Variants in PPIP5K2 observed in about 807,000 individuals in gnomAD.
The protein encoded by PPIP5K2 is inositol hexakisphosphate and diphosphoinositol-pentakisphosphate kinase 2.
In PPIP5K2, 105 loss-of-function variants were observed where a neutral mutation model predicts 154.6. The ratio of observed to expected loss-of-function variants is 0.68; its 90% CI spans 0.58 to 0.80. PPIP5K2 has a LOEUF of 0.80. PPIP5K2 is among the 30% of genes least tolerant of loss of function. The pLI, the probability that PPIP5K2 is intolerant of heterozygous loss-of-function variation, is 0.00. For missense variants in PPIP5K2, 992 were observed against 1,504.6 expected (o/e 0.66, Z 5.64); for synonymous variants, 480 against 490.3 (o/e 0.98, Z 0.28).
At chr5:103,152,591 T>C (rs1050821633) in intron 9 of PPIP5K2, 57 bp from the exon 10 acceptor site, 20 of 1,019,778 alleles carry the variant, frequency 2.0e-5, no homozygotes, top group African/African-American at 3.2e-5. Context: ...CCTCATTAAG[T>C]ACCCAGTTTT....
rs1183699477 is a variant in PPIP5K2 at position 103,133,554 on chromosome 5, T to A, written c.216T>A (p.Tyr72Ter). Residue 72 changes from tyrosine to a stop codon, truncating the protein, a stop_gained, in exon 3 of 31, where the codon TAT becomes TAA. Transcript: ENST00000358359. LOFTEE classifies it high-confidence loss of function. ...EILERISLFK[Y>*]ITVVVFEEEV... ...TTGAACGGATCTCCTTATTTAAATA[T>A]ATCACAGTAGTAGTATTTGAAGAGG... The A allele has an allele frequency of 6.2e-7, 1 of 1,612,792 alleles. No individual in the cohort carries two copies. Among genetic ancestry groups the A allele is most frequent in the Non-Finnish European group, 8.5e-7 (1 of 1,179,522 alleles).
At chr5:103,185,402 G>A (rs911150574) in intron 26 of PPIP5K2, among the ~76,000 whole-genome samples, 1 of 152,068 alleles carries the variant, frequency 6.6e-6, no homozygotes, top group Non-Finnish European at 1.5e-5. Flanking sequence ...AACAGATCTC[G>A]TTGTAAGTTT....
intron 18 of PPIP5K2, 21 bp downstream of exon 18, chr5:103,167,341 G>A (rs782410778): frequency 2.0e-5 from 30 of 1,509,294 alleles, no homozygotes; most frequent in South Asian, 1.7e-4. Flanking sequence ...TTTTCTTAGA[G>A]CATAGAACAA....
Position 103,195,011 on chromosome 5 carries a change from C to G in PPIP5K2, c.3605C>G (p.Ala1202Gly). 1 of 1,613,630 alleles carries G rather than the reference C, an allele frequency of 6.2e-7. No individual in the cohort carries two copies. The highest frequency in any genetic ancestry group is 1.7e-5 in the Admixed American group (1 of 59,992). ...TPPATLKSTK[A>G]SSKPATSGPS... The stretch of plus-strand genomic sequence containing the variant: ...CCAGCTACCTTAAAGAGCACTAAAG[C>G]AAGCAGCAAACCAGGTAAGGGGTGT... Residue 1202 changes from alanine (A) to glycine (G), a missense_variant, in exon 30 of 31, where the codon GCA (alanine) becomes GGA (glycine). Physicochemically the swap from Ala to Gly is moderately conservative, Grantham distance 60. This residue lies in a region of PPIP5K2 where 131 missense variants were observed against 117.8 expected (regional missense o/e 1.11). Transcript: ENST00000358359.
In PPIP5K2 at chr5:103,211,808, A is replaced by C. The variant is rs1307831424; in HGVS notation, c.*10174A>C. ...CTTTCTAATGAGGAACCAAGTGCTC[A>C]AAAGCAGTCATAAAGTTCATGGCAA... On this transcript the variant is annotated 3_prime_UTR_variant, in exon 31 of 31. Coordinates refer to ENST00000358359, the MANE Select transcript of PPIP5K2 (RefSeq NM_001276277.3). 6.6e-6 allele frequency: 1 copy of C among 152,170 alleles called. No homozygotes were observed. The highest frequency in any genetic ancestry group is 1.9e-4 in the East Asian group (1 of 5,206). The allele number at this position is 152,170 out of a possible 1,614,324, so 9.4% of individuals were successfully genotyped here.
At chr5:103,186,690 T>C (rs1352963542) in intron 27 of PPIP5K2, among the ~76,000 whole-genome samples, 1 of 152,212 alleles carries the variant, frequency 6.6e-6, no homozygotes, top group Non-Finnish European at 1.5e-5. Context: ...AAGAGTATTA[T>C]GTGTATTCTT....
At position 103,139,940 on chromosome 5, in the gene PPIP5K2, T is replaced by C. The variant is rs190249675; in HGVS notation, c.487+1471T>C. On this transcript the variant is annotated intron_variant, in intron 5 of 30. Transcript: ENST00000358359. The stretch of plus-strand genomic sequence containing the variant: ...AAAGTGGATCAAGTAGAAGAATTAG[T>C]GAGCTTGAAAACTGGCTATGTGAAA... Among the ~76,000 whole-genome samples, 75 of 152,124 alleles carry C rather than the reference T, an allele frequency of 4.9e-4. 1 individual carries two copies. In the Middle Eastern group the frequency reaches 0.02, roughly 41 times the overall value.
chr5:103,179,091 A>G (rs1799135673), intron 23 of PPIP5K2, among the ~76,000 whole-genome samples: 1 of 151,958 alleles, frequency 6.6e-6, no homozygotes, highest in Admixed American at 6.6e-5. Flanking sequence ...AACATCATCT[A>G]TGAATGATGA....
At chr5:103,196,179 C>G (rs1332975287) in intron 30 of PPIP5K2, among the ~76,000 whole-genome samples, 1 of 152,070 alleles carries the variant, frequency 6.6e-6, no homozygotes, top group African/African-American at 2.4e-5. Flanking sequence ...AATGTTTTCC[C>G]TTTTACCTCA....
At chr5:103,176,833 C>A in intron 21 of PPIP5K2, 1 of 1,255,160 alleles carries the variant, frequency 8.0e-7, no homozygotes, top group Non-Finnish European at 1.1e-6. Context: ...AGATCCTTTT[C>A]AGTTCTGATG....
rs78115089 is a variant in PPIP5K2 at position 103,133,413 on chromosome 5, T to C, written c.115-40T>C. 1,515 of 1,576,044 alleles carry C rather than the reference T, an allele frequency of 9.6e-4. 17 individuals are homozygous for C. The African/African-American group carries it at 0.017, about 18-fold the overall frequency. On this transcript the variant is annotated intron_variant, in intron 2 of 30. Coordinates refer to ENST00000358359, the MANE Select transcript of PPIP5K2 (RefSeq NM_001276277.3). ...GAAGATAGCTGTACTTTGGAGTTCA[T>C]GTAAAGTTAACCCGATTTTTTGTTT...
intron 5 of PPIP5K2, among the ~76,000 whole-genome samples, chr5:103,140,797 A>T (rs1792462929): frequency 6.7e-6 from 1 of 149,336 alleles, no homozygotes; most frequent in African/African-American, 2.5e-5. Context: ...AGATCGCGCC[A>T]CAGCACTCCC....
intron 17 of PPIP5K2, among the ~76,000 whole-genome samples, chr5:103,161,326 A>G (rs1388905827): frequency 6.6e-6 from 1 of 152,168 alleles, no homozygotes. Flanking sequence ...TCCATGGTGT[A>G]TATGTGCCAC....
chr5:103,176,319 T>C (rs527379616), intron 21 of PPIP5K2, among the ~76,000 whole-genome samples: 20 of 152,138 alleles, frequency 1.3e-4, no homozygotes, highest in African/African-American at 4.8e-4. Context: ...ATCAATTATC[T>C]GTTCACCTAA....
At chr5:103,137,510 T>C (rs1456622524) in intron 4 of PPIP5K2, among the ~76,000 whole-genome samples, 1 of 152,168 alleles carries the variant, frequency 6.6e-6, no homozygotes, top group African/African-American at 2.4e-5. Context: ...TGAAAAATAT[T>C]ATACTGTATA....
chr5:103,137,046 A>G (rs1183429304), intron 4 of PPIP5K2, among the ~76,000 whole-genome samples: 1 of 152,250 alleles, frequency 6.6e-6, no homozygotes. Flanking sequence ...ACGTAGTAGG[A>G]CAAAGACTTA....
Position 103,206,230 on chromosome 5 carries a change from C to G in PPIP5K2, c.*4596C>G, listed in dbSNP as rs1156923333. ...TATTGTCATCAAAAGCCCAAGTGAC[C>G]TCCCTTGTCACCTCTGGCATAGTAT... On this transcript the variant is annotated 3_prime_UTR_variant, in exon 31 of 31. Coordinates refer to ENST00000358359, the MANE Select transcript of PPIP5K2 (RefSeq NM_001276277.3). 6.6e-6 allele frequency: 1 copy of G among 152,178 alleles called. No homozygotes were observed. Among genetic ancestry groups the G allele is most frequent in the Non-Finnish European group, 1.5e-5 (1 of 68,032 alleles). The allele number at this position is 152,178 out of a possible 1,614,324, so 9.4% of individuals were successfully genotyped here. A position where few individuals can be genotyped will look rare whatever the true frequency, so the allele number is the denominator to read the frequency against.
chr5:103,125,398 G>A (rs1789481788), intron 1 of PPIP5K2, among the ~76,000 whole-genome samples: 1 of 151,418 alleles, frequency 6.6e-6, no homozygotes, highest in South Asian at 2.1e-4. Flanking sequence ...GAGTCAGTCA[G>A]GTTTTAAACC....
chr5:103,152,661 C>A lies in PPIP5K2; in HGVS notation c.1042C>A (p.Arg348=), dbSNP rs1554211684. 3.8e-6 allele frequency: 6 copies of A among 1,588,600 alleles called. No homozygotes were observed. The highest frequency in any genetic ancestry group is 1.1e-5 in the South Asian group (1 of 90,224). ...CAKILGNIVM[R]ELAPQFHIPW... ...TTTGTCTTGAAGAAATATTGTAATGCGAGAACTTGCTCCACAATTTCATAT... is the reference window on the plus strand; with the variant it reads ...TTTGTCTTGAAGAAATATTGTAATGAGAGAACTTGCTCCACAATTTCATAT... Residue 348 remains arginine, a synonymous_variant, in exon 10 of 31, where the codon CGA becomes AGA. Coordinates refer to ENST00000358359, the MANE Select transcript of PPIP5K2 (RefSeq NM_001276277.3).
Sources: gnomAD v4.1 joint callset for allele counts (sites outside exome capture counted in the v4.1 genomes callset) on GRCh38, gnomAD v4.1.1 for gene constraint, gnomAD v4.1.1 regional missense constraint, MANE v1.5 for transcripts, NCBI Gene and HGNC (gene_info 2026-07-23, HGNC 2026-07-21) for gene names.